OXGR1: variants seen among roughly 807,000 people sequenced by gnomAD.
OXGR1 encodes the protein oxoglutarate receptor 1.
Under a neutral mutation model 10.0 loss-of-function variants are expected in OXGR1, and 10 were observed. The observed-to-expected ratio is 1.00, with a 90% confidence interval of 0.62 to 1.70. The LOEUF is 1.70. Among genes scored for constraint, OXGR1 ranks in the 40% most tolerant of loss-of-function variants. The probability of loss-of-function intolerance (pLI) is 0.00; values close to 1 mark genes in which losing one functional copy is unlikely to be tolerated. For synonymous variants in OXGR1, 191 were observed against 155.9 expected (o/e 1.22, Z -1.68); for missense variants, 398 against 407.6 (o/e 0.98, Z 0.20).
intron 2 of OXGR1, among the ~76,000 whole-genome samples, chr13:96,990,458 A>T (rs1001104599): frequency 1.3e-5 from 2 of 152,184 alleles, no homozygotes; most frequent in Non-Finnish European, 2.9e-5. Context: ...AGGGAATTCA[A>T]GTCCAAGCTG....
intron 2 of OXGR1, among the ~76,000 whole-genome samples, chr13:96,991,257 C>T (rs9584459): frequency 6.6e-6 from 1 of 152,094 alleles, no homozygotes; most frequent in African/African-American, 2.4e-5. Context: ...GTGATGTTAA[C>T]AACAGCACAC....
Position 96,986,754 on chromosome 13 carries a change from T to A in OXGR1, c.1006A>T (p.Asn336Tyr), listed in dbSNP as rs776824805. The part of the protein sequence containing the change: ...EQAKKISYSN[N>Y]P ...TAAGTAAATGAAATATTTCAAGGGT[T>A]GTTTGAGTAACTAATTTTCTTTGCT... Residue 336 changes from asparagine (N) to tyrosine (Y), a missense_variant, in exon 4 of 4, where the codon AAC becomes TAC. By Grantham distance (143) the Asn-to-Tyr change is moderately radical (BLOSUM62 -2). Coordinates refer to ENST00000541038, the MANE Select transcript of OXGR1 (RefSeq NM_001346194.2). The A allele has an allele frequency of 6.2e-7, 1 of 1,604,570 alleles. No homozygotes were observed. Among genetic ancestry groups the A allele is most frequent in the South Asian group, 1.1e-5 (1 of 88,998 alleles).
rs988930264 is a variant in OXGR1 at position 96,992,405 on chromosome 13, G to A, written c.-127+17C>T. On this transcript the variant is annotated intron_variant, in intron 2 of 3. Coordinates refer to ENST00000541038, the MANE Select transcript of OXGR1 (RefSeq NM_001346194.2). ...ACAAAAATTAAGAAATAAAAAAATT[G>A]TTAAGAAAAAGCTTACAATTTTAGC... 4 of 152,110 alleles carry A rather than the reference G, an allele frequency of 2.6e-5. No individual in the cohort carries two copies. The highest frequency in any genetic ancestry group is 7.2e-5 in the African/African-American group (3 of 41,416). 9.4% of individuals were successfully genotyped at this position (152,110 alleles called of 1,614,324 possible). A position where few individuals can be genotyped will look rare whatever the true frequency, so the allele number is the denominator to read the frequency against.
chr13:96,987,283 G>T lies in OXGR1; in HGVS notation c.477C>A (p.Ile159=). ...TCGGAATGACAGCTACCAGTGAAATGATCCACACCACAGCACAGGCTACAA... is the reference window on the plus strand; with the variant it reads ...TCGGAATGACAGCTACCAGTGAAATTATCCACACCACAGCACAGGCTACAA... ...CAVVACAVVW[I]ISLVAVIPMT... Residue 159 remains isoleucine, a synonymous_variant, in exon 4 of 4, where the codon ATC becomes ATA. Transcript: ENST00000541038. 6.2e-7 allele frequency: 1 copy of T among 1,614,180 alleles called. No homozygotes were observed. The highest frequency in any genetic ancestry group is 8.5e-7 in the Non-Finnish European group (1 of 1,180,026).
intron 2 of OXGR1, among the ~76,000 whole-genome samples, chr13:96,990,864 G>A (rs1423505762): frequency 3.4e-5 from 5 of 147,768 alleles, no homozygotes; most frequent in Admixed American, 2.1e-4. Context: ...CACGAGAATC[G>A]CTTGAACCTG....
intron 3 of OXGR1, among the ~76,000 whole-genome samples, chr13:96,989,313 T>A (rs560520114): frequency 6.6e-6 from 1 of 152,124 alleles, no homozygotes; most frequent in Non-Finnish European, 1.5e-5. Context: ...ACTTGACAAA[T>A]CCTAAATTAG....
In OXGR1 at chr13:96,992,919, A is replaced by G. The variant is rs372432684; in HGVS notation, c.-277-347T>C. ...GCACAGTTGGAACACTTAATCTGTT[A>G]CCTTCTCTCCAGAGTCCTTGGAAGC... On this transcript the variant is annotated intron_variant, in intron 1 of 3. Coordinates refer to ENST00000541038, the MANE Select transcript of OXGR1 (RefSeq NM_001346194.2). 3.3e-5 allele frequency among the ~76,000 whole-genome samples: 5 copies of G among 152,242 alleles called. No individual in the cohort carries two copies. The East Asian group carries it at 5.8e-4, about 18-fold the overall frequency.
chr13:96,992,707 G>GTA (rs1882118459), intron 1 of OXGR1, 135 bp from the exon 2 acceptor site: 1 of 152,216 alleles, frequency 6.6e-6, no homozygotes, highest in Admixed American at 6.5e-5. Context: ...ATTTTCCTAA[G>GTA]GTGCCTGTTG....
At chr13:96,993,556 G>A (rs575252727) in intron 1 of OXGR1, among the ~76,000 whole-genome samples, 1 of 152,250 alleles carries the variant, frequency 6.6e-6, no homozygotes, top group Admixed American at 6.5e-5. Flanking sequence ...CTGCAACTCA[G>A]TTTCCCTGAA....
At chr13:96,987,954 C>A in intron 3 of OXGR1, 121 bp from the exon 4 acceptor site, 4 of 551,978 alleles carry the variant, frequency 7.2e-6, no homozygotes, top group Non-Finnish European at 1.1e-5. Flanking sequence ...TCAAAAGAGA[C>A]CCTGTGGAGA....
intron 1 of OXGR1, among the ~76,000 whole-genome samples, chr13:96,992,928 C>A (rs529284683): frequency 6.0e-4 from 91 of 152,152 alleles, no homozygotes; most frequent in Non-Finnish European, 1.1e-3. Flanking sequence ...TACCTTCTCT[C>A]CAGAGTCCTT....
At chr13:96,993,933 T>G (rs1350556343) in intron 1 of OXGR1, among the ~76,000 whole-genome samples, 1 of 151,984 alleles carries the variant, frequency 6.6e-6, no homozygotes. Context: ...TTAACTCTGT[T>G]TGTCTCCTAA....
At chr13:96,992,777 C>T (rs1044850634) in intron 1 of OXGR1, among the ~76,000 whole-genome samples, 2 of 152,228 alleles carry the variant, frequency 1.3e-5, no homozygotes, top group South Asian at 4.1e-4. Flanking sequence ...GCCTGTACCT[C>T]TCCCTGCTCT....
In OXGR1 at chr13:96,991,949, G is replaced by A. The variant is rs181946312; in HGVS notation, c.-127+473C>T. ...TTGCAACCTCATGGGTAGAACTGGA[G>A]GTCATTATGGGAAGTGAAAAAAGCC... On this transcript the variant is annotated intron_variant, in intron 2 of 3. Coordinates refer to ENST00000541038, the MANE Select transcript of OXGR1 (RefSeq NM_001346194.2). Among the ~76,000 whole-genome samples, 4 of 152,212 alleles carry A rather than the reference G, an allele frequency of 2.6e-5. No homozygotes were observed. The East Asian group carries it at 7.7e-4, about 29-fold the overall frequency.
chr13:96,990,100 C>T (rs1881978599), intron 2 of OXGR1, among the ~76,000 whole-genome samples: 1 of 152,224 alleles, frequency 6.6e-6, no homozygotes, highest in Non-Finnish European at 1.5e-5. Context: ...ATCATCTACA[C>T]AGCACTGGAG....
intron 1 of OXGR1, among the ~76,000 whole-genome samples, chr13:96,993,707 A>G (rs751956368): frequency 6.6e-6 from 1 of 151,516 alleles, no homozygotes; most frequent in Non-Finnish European, 1.5e-5. Flanking sequence ...TACAAGTTAG[A>G]GGTTTAGAGA....
intron 3 of OXGR1, among the ~76,000 whole-genome samples, chr13:96,989,175 A>G (rs1881931107): frequency 6.6e-6 from 1 of 152,200 alleles, no homozygotes; most frequent in Non-Finnish European, 1.5e-5. Flanking sequence ...ATGGTACAAG[A>G]CTACTGAGAT....
At chr13:96,989,405 A>T (rs1881941835) in intron 3 of OXGR1, among the ~76,000 whole-genome samples, 1 of 152,250 alleles carries the variant, frequency 6.6e-6, no homozygotes, top group South Asian at 2.1e-4. Flanking sequence ...GTTGTAAGGA[A>T]ATCAGCATGG....
At position 96,987,324 on chromosome 13, in the gene OXGR1, T is replaced by G. The variant is rs1881810034; in HGVS notation, c.436A>C (p.Lys146Gln). The stretch of plus-strand genomic sequence containing the variant: ...CAGGCTACAACTGCACATCGAGTTT[T>G]GTGAATGGAAAAGCAGCTCATTGGG... ...IHPMSCFSIHKTRCAVVACAV... is the reference protein window; with the variant it reads ...IHPMSCFSIHQTRCAVVACAV... Residue 146 changes from lysine to glutamine, a missense_variant, in exon 4 of 4, where the codon AAA (lysine) becomes CAA (glutamine). Transcript: ENST00000541038. The G allele has an allele frequency of 6.2e-7, 1 of 1,614,236 alleles. No homozygotes were observed. Among genetic ancestry groups the G allele is most frequent in the Non-Finnish European group, 8.5e-7 (1 of 1,180,050 alleles).
Sources: gnomAD v4.1 joint callset for allele counts (sites outside exome capture counted in the v4.1 genomes callset) on GRCh38, gnomAD v4.1.1 for gene constraint, MANE v1.5 for transcripts, NCBI Gene and HGNC (gene_info 2026-07-23, HGNC 2026-07-21) for gene names.